AKT3: variants seen among roughly 807,000 people sequenced by gnomAD.
AKT3 encodes RAC-gamma serine/threonine-protein kinase.
A neutral mutation model predicts 65.3 loss-of-function variants in AKT3; 15 were observed. The ratio of observed to expected loss-of-function variants is 0.23; its 90% CI spans 0.15 to 0.35. AKT3 has a LOEUF of 0.35. Ranked by LOEUF, AKT3 falls within the 10% of genes least tolerant of loss-of-function variation. The pLI is 1.00. For missense variants in AKT3, 243 were observed against 576.5 expected (o/e 0.42, Z 5.92); for synonymous variants, 206 against 183.8 (o/e 1.12, Z -0.98).
At chr1:243,684,610 A>G (rs1266551575) in intron 3 of AKT3, among the ~76,000 whole-genome samples, 1 of 152,208 alleles carries the variant, frequency 6.6e-6, no homozygotes, top group Non-Finnish European at 1.5e-5. Context: ...TAGGGCTGCA[A>G]TAAACATACG....
At chr1:243,808,405 C>G (rs1017075935) in intron 2 of AKT3, among the ~76,000 whole-genome samples, 1 of 151,996 alleles carries the variant, frequency 6.6e-6, no homozygotes, top group Non-Finnish European at 1.5e-5. Context: ...GTAGCCGATT[C>G]GATCAACTGG....
At chr1:243,794,407 T>C (rs1017273045) in intron 2 of AKT3, 9 of 152,374 alleles carry the variant, frequency 5.9e-5, no homozygotes, top group Admixed American at 5.2e-4. Flanking sequence ...GCCCATTTAA[T>C]TGCTAATGAA....
intron 2 of AKT3, among the ~76,000 whole-genome samples, chr1:243,708,503 C>T (rs946235362): frequency 1.3e-5 from 2 of 151,908 alleles, no homozygotes; most frequent in South Asian, 2.1e-4. Flanking sequence ...GCTCATTATA[C>T]GTACATATTT....
intron 2 of AKT3, among the ~76,000 whole-genome samples, chr1:243,833,619 T>C (rs1047594935): frequency 1.3e-5 from 2 of 151,984 alleles, no homozygotes; most frequent in Admixed American, 1.3e-4. Context: ...CATGACTATA[T>C]AAGGAAACAG....
At chr1:243,749,705 C>T (rs1263112086) in intron 2 of AKT3, among the ~76,000 whole-genome samples, 1 of 152,180 alleles carries the variant, frequency 6.6e-6, no homozygotes, top group African/African-American at 2.4e-5. Flanking sequence ...AACATCCCAT[C>T]CAAAAATCAT....
intron 2 of AKT3, among the ~76,000 whole-genome samples, chr1:243,722,284 A>G (rs1383023681): frequency 6.6e-6 from 1 of 152,228 alleles, no homozygotes; most frequent in Non-Finnish European, 1.5e-5. Context: ...AAGAAACATT[A>G]TACTATAAAA....
intron 6 of AKT3, among the ~76,000 whole-genome samples, chr1:243,631,415 A>C (rs935288569): frequency 1.3e-5 from 2 of 152,136 alleles, no homozygotes; most frequent in Admixed American, 6.5e-5. Context: ...CAGCCTCCCA[A>C]GTAGCTGGGA....
At chr1:243,675,208 CT>C (rs939550103) in intron 3 of AKT3, among the ~76,000 whole-genome samples, 9 of 151,640 alleles carry the variant, frequency 5.9e-5, no homozygotes, top group Admixed American at 4.6e-4. Flanking sequence ...TTCAAAGTCA[CT>C]TTTTTTTTGA....
intron 13 of AKT3, among the ~76,000 whole-genome samples, chr1:243,511,439 C>T (rs1174801757): frequency 1.1e-4 from 16 of 152,212 alleles, no homozygotes; most frequent in Non-Finnish European, 7.4e-5. Flanking sequence ...GCCCCTCTCC[C>T]GGACACTGAG....
At chr1:243,593,595 G>A (rs895550959) in intron 8 of AKT3, among the ~76,000 whole-genome samples, 4 of 152,154 alleles carry the variant, frequency 2.6e-5, no homozygotes, top group Non-Finnish European at 4.4e-5. Flanking sequence ...GCTGAGGCAG[G>A]AGAATCACTT....
At chr1:243,688,365 G>A (rs1284286546) in intron 3 of AKT3, among the ~76,000 whole-genome samples, 4 of 152,066 alleles carry the variant, frequency 2.6e-5, no homozygotes, top group African/African-American at 9.7e-5. Flanking sequence ...GTTATTATTT[G>A]GGCAAGTGTT....
Position 243,539,707 on chromosome 1 carries a change from T to C in AKT3, c.1251+5803A>G, listed in dbSNP as rs1342224963. On this transcript the variant is annotated intron_variant, in intron 12 of 13. Coordinates refer to ENST00000673466, the MANE Select transcript of AKT3 (RefSeq NM_005465.7). ...GAAAGATATCTGAAAAATCCATATA[T>C]TTGGAAATTAATCAACACACTTACA... Among the ~76,000 whole-genome samples, 7 of 152,128 alleles carry C rather than the reference T, an allele frequency of 4.6e-5. No individual in the cohort carries two copies. The East Asian group carries it at 1.3e-3, about 29-fold the overall frequency.
intron 1 of AKT3, among the ~76,000 whole-genome samples, chr1:243,848,967 C>T (rs1474866181): frequency 2.0e-5 from 3 of 152,200 alleles, no homozygotes; most frequent in Non-Finnish European, 4.4e-5. Flanking sequence ...GTAAGCATTT[C>T]CTCTGCTTTC....
At chr1:243,601,982 T>C (rs905472947) in intron 8 of AKT3, among the ~76,000 whole-genome samples, 1 of 152,184 alleles carries the variant, frequency 6.6e-6, no homozygotes, top group African/African-American at 2.4e-5. Context: ...GAAGTTTGAC[T>C]ACCTTGAAAT....
At position 243,716,236 on chromosome 1, in the gene AKT3, A is replaced by G. The variant is rs576830134; in HGVS notation, c.47-20520T>C. 3.8e-4 allele frequency among the ~76,000 whole-genome samples: 58 copies of G among 152,296 alleles called. 1 individual carries two copies. Among genetic ancestry groups the G allele is most frequent in the African/African-American group, 1.3e-3 (54 of 41,592 alleles). Reference sequence around the variant, plus strand: ...CAAAGCTGTAAGAAAATGTTCATAAATAAGAATTACAGAACCAAATGATCC... The same window carrying G: ...CAAAGCTGTAAGAAAATGTTCATAAGTAAGAATTACAGAACCAAATGATCC... On this transcript the variant is annotated intron_variant, in intron 2 of 13. Transcript: ENST00000673466.
intron 12 of AKT3, among the ~76,000 whole-genome samples, chr1:243,526,584 CAAAAAT>C (rs1023514192): frequency 9.2e-5 from 14 of 151,820 alleles, no homozygotes; most frequent in African/African-American, 3.1e-4. Context: ...ATCACACAAA[CAAAAAT>C]ATCTTGAAAA....
intron 2 of AKT3, among the ~76,000 whole-genome samples, chr1:243,707,280 C>T (rs936240402): frequency 2.0e-5 from 3 of 152,130 alleles, no homozygotes; most frequent in African/African-American, 7.2e-5. Flanking sequence ...CACTATTGCA[C>T]ATTAGCTGAG....
chr1:243,796,039 A>G (rs1691983222), intron 2 of AKT3, among the ~76,000 whole-genome samples: 1 of 151,828 alleles, frequency 6.6e-6, no homozygotes, highest in Non-Finnish European at 1.5e-5. Context: ...AAATGCTGAG[A>G]CTCTTGGGAG....
chr1:243,525,557 A>T (rs1196232878), intron 12 of AKT3, among the ~76,000 whole-genome samples: 1 of 151,200 alleles, frequency 6.6e-6, no homozygotes, highest in Non-Finnish European at 1.5e-5. Context: ...AGAAACTATT[A>T]GGAAAAGGAC....
Sources: gnomAD v4.1 joint callset for allele counts (sites outside exome capture counted in the v4.1 genomes callset) on GRCh38, gnomAD v4.1.1 for gene constraint, MANE v1.5 for transcripts, NCBI Gene and HGNC (gene_info 2026-07-23, HGNC 2026-07-21) for gene names.